AGO1: variants seen among roughly 807,000 people sequenced by gnomAD.
The protein encoded by AGO1 is protein argonaute-1.
A neutral mutation model predicts 109.2 loss-of-function variants in AGO1; 11 were observed. The ratio of observed to expected loss-of-function variants is 0.10; its 90% CI spans 0.06 to 0.17. The LOEUF is 0.17. AGO1 is among the 10% of genes least tolerant of loss of function. The probability of loss-of-function intolerance (pLI) is 1.00; values close to 1 mark genes in which losing one functional copy is unlikely to be tolerated. For missense variants in AGO1, 574 were observed against 1,140.3 expected, an observed-to-expected ratio of 0.50 and a Z score of 7.15; for synonymous variants, 422 against 418.6, an observed-to-expected ratio of 1.01 and a Z score of -0.10.
rs1645268628 is a variant in AGO1 at position 35,893,915 on chromosome 1, C to T, written c.649+105C>T. On this transcript the variant is annotated intron_variant, in intron 5 of 18. Coordinates refer to ENST00000373204, the MANE Select transcript of AGO1 (RefSeq NM_012199.5). The surrounding 1 kb of genome is among the most constrained non-coding windows in gnomAD (Gnocchi z 5.6). ...AACCACACTCCTAGTCTAATTCCTA[C>T]AGCCCTGGCACCCCCTTCCCCCATC... 2 of 1,530,470 alleles carry T rather than the reference C, an allele frequency of 1.3e-6. No individual in the cohort carries two copies. The highest frequency in any genetic ancestry group is 2.7e-5 in the African/African-American group (2 of 72,864). The allele number at this position is 1,530,470 out of a possible 1,614,324, so 94.8% of individuals were successfully genotyped here.
At position 35,924,232 on chromosome 1, in the gene AGO1, T is replaced by G. The variant is rs144443110; in HGVS notation, c.*4625T>G. 112 of 154,312 alleles carry G rather than the reference T, an allele frequency of 7.3e-4. 1 individual carries two copies. The highest frequency in any genetic ancestry group is 1.8e-3 in the African/African-American group (74 of 41,556). The allele number at this position is 154,312 out of a possible 1,614,324, so 9.6% of individuals were successfully genotyped here. ...ACAGTTCCTTCTGAAGCAAGCAACA[T>G]CAGCAGCAGCAGCAGCAGCAGCACA... On this transcript the variant is annotated 3_prime_UTR_variant, in exon 19 of 19. Transcript: ENST00000373204.
upstream of AGO1, among the ~76,000 whole-genome samples, chr1:35,882,443 G>T (rs996870945): frequency 8.5e-5 from 13 of 152,180 alleles, no homozygotes; most frequent in African/African-American, 2.9e-4. The surrounding 1 kb of genome is among the most constrained non-coding windows in gnomAD (Gnocchi z 5.1). Flanking sequence ...CAAGTAGAAG[G>T]CTCAGAAGGG....
At position 35,894,464 on chromosome 1, in the gene AGO1, A is replaced by G. The variant is rs934962721; in HGVS notation, c.872+62A>G. ...TGGAGAAGGGCTGAGATTTAAAACT[A>G]TCTTTCCCTCCCTCCCTCCCCCACT... On this transcript the variant is annotated intron_variant, in intron 7 of 18. Transcript: ENST00000373204. 7.3e-6 allele frequency: 11 copies of G among 1,515,904 alleles called. No homozygotes were observed. The African/African-American group carries it at 1.2e-4, about 17-fold the overall frequency. 93.9% of individuals were successfully genotyped at this position (1,515,904 alleles called of 1,614,324 possible).
rs962457507 is a variant in AGO1 at position 35,927,202 on chromosome 1, C to T, written c.*7595C>T. On this transcript the variant is annotated 3_prime_UTR_variant, in exon 19 of 19. Transcript: ENST00000373204. ...CAGTATCTTATATAATTGCATCTTACAGCATCTTTACATGCGAAATAGTTT... is the reference window on the plus strand; with the variant it reads ...CAGTATCTTATATAATTGCATCTTATAGCATCTTTACATGCGAAATAGTTT... 6.6e-6 allele frequency: 1 copy of T among 152,144 alleles called. No homozygotes were observed. The highest frequency in any genetic ancestry group is 1.5e-5 in the Non-Finnish European group (1 of 68,026). The allele number at this position is 152,144 out of a possible 1,614,324, so 9.4% of individuals were successfully genotyped here.
chr1:35,893,561 G>A lies in AGO1; in HGVS notation c.513-113G>A, dbSNP rs1030873429. ...ATACAACTAGTAAAGCATCAGAGCT[G>A]GCATTAAAGCCCCGGTGTCCTGCCT... On this transcript the variant is annotated intron_variant, in intron 4 of 18. Transcript: ENST00000373204. The surrounding 1 kb of genome is among the most constrained non-coding windows in gnomAD (Gnocchi z 5.6). The A allele has an allele frequency of 1.2e-5, 14 of 1,130,266 alleles. No individual in the cohort carries two copies. In the African/African-American group the frequency reaches 2.2e-4, roughly 18 times the overall value. 70.0% of individuals were successfully genotyped at this position (1,130,266 alleles called of 1,614,324 possible).
chr1:35,903,739 C>T (rs1009132023), intron 11 of AGO1, among the ~76,000 whole-genome samples: 3 of 151,582 alleles, frequency 2.0e-5, no homozygotes, highest in Non-Finnish European at 4.4e-5. Context: ...CTGAGGCGGG[C>T]GGATCACAAG....
Position 35,923,522 on chromosome 1 carries a change from G to T in AGO1, c.*3915G>T, listed in dbSNP as rs1157272761. The T allele has an allele frequency of 6.6e-6, 1 of 152,608 alleles. No homozygotes were observed. The highest frequency in any genetic ancestry group is 1.5e-5 in the Non-Finnish European group (1 of 68,036). 9.5% of individuals were successfully genotyped at this position (152,608 alleles called of 1,614,324 possible). A position where few individuals can be genotyped will look rare whatever the true frequency, so the allele number is the denominator to read the frequency against. On this transcript the variant is annotated 3_prime_UTR_variant, in exon 19 of 19. Transcript: ENST00000373204. Reference sequence around the variant, plus strand: ...GGACGTTATTTTTATTTATATATGGGGCCTAGGCCAATCCAGGATGGTAGC... The same window carrying T: ...GGACGTTATTTTTATTTATATATGGTGCCTAGGCCAATCCAGGATGGTAGC...
Position 35,928,799 on chromosome 1 carries a change from A to G in AGO1, c.*9192A>G, listed in dbSNP as rs1645980093. 6.6e-6 allele frequency: 1 copy of G among 152,172 alleles called. No individual in the cohort carries two copies. The highest frequency in any genetic ancestry group is 2.4e-5 in the African/African-American group (1 of 41,446). The allele number at this position is 152,172 out of a possible 1,614,324, so 9.4% of individuals were successfully genotyped here. A position where few individuals can be genotyped will look rare whatever the true frequency, so the allele number is the denominator to read the frequency against. ...TTTCTGTTCTAGTTTATACTTTTGT[A>G]TCATATTTTAGGAAATTTTGCACTG... On this transcript the variant is annotated 3_prime_UTR_variant, in exon 19 of 19. Transcript: ENST00000373204.
In AGO1 at chr1:35,883,337, G is replaced by A. The variant is rs906900125; in HGVS notation, c.-85G>A. ...GGAGCCGAGCCCGGCCCGGGATCCC[G>A]AGCAGCGAGAGTGTGGGGTACCTAG... On this transcript the variant is annotated 5_prime_UTR_variant, in exon 1 of 19. Coordinates refer to ENST00000373204, the MANE Select transcript of AGO1 (RefSeq NM_012199.5). This position sits in a 1 kb window ranked among gnomAD's most constrained non-coding sequence, Gnocchi z 5.4. 1.9e-6 allele frequency: 3 copies of A among 1,540,468 alleles called. No homozygotes were observed. Among genetic ancestry groups the A allele is most frequent in the African/African-American group, 2.9e-5 (2 of 70,122 alleles).
At chr1:35,898,330 C>G (rs1645356670) in intron 8 of AGO1, among the ~76,000 whole-genome samples, 1 of 151,648 alleles carries the variant, frequency 6.6e-6, no homozygotes, top group Non-Finnish European at 1.5e-5. Context: ...GATCTCGGCT[C>G]ACTGCAAGCT....
intron 8 of AGO1, 137 bp downstream of exon 8, chr1:35,895,406 G>C: frequency 1.0e-6 from 1 of 967,286 alleles, no homozygotes; most frequent in Non-Finnish European, 1.5e-6. Context: ...CTGTGAAATA[G>C]AGGCCTCATT....
intron 10 of AGO1, 31 bp downstream of exon 10, chr1:35,902,101 G>C: frequency 6.3e-7 from 1 of 1,585,196 alleles, no homozygotes; most frequent in Non-Finnish European, 8.6e-7. Flanking sequence ...ACAACATCTC[G>C]GGGCATATGG....
intron 11 of AGO1, 80 bp downstream of exon 11, chr1:35,902,417 A>G: frequency 6.5e-7 from 1 of 1,547,534 alleles, no homozygotes; most frequent in Non-Finnish European, 8.7e-7. Flanking sequence ...ACAGGGGCTG[A>G]TATTGATCAG....
chr1:35,902,115 T>A (rs1184773658), intron 10 of AGO1, 45 bp downstream of exon 10: 6 of 1,580,614 alleles, frequency 3.8e-6, no homozygotes. Flanking sequence ...CATATGGGGG[T>A]GGTTGGGTTG....
intron 7 of AGO1, among the ~76,000 whole-genome samples, chr1:35,894,725 C>T (rs1347420903): frequency 1.3e-5 from 2 of 152,142 alleles, no homozygotes; most frequent in Non-Finnish European, 2.9e-5. Flanking sequence ...AAAAAGAAAG[C>T]GAGGCTCCTG....
At chr1:35,879,043 G>A (rs1026291052), upstream of AGO1, among the ~76,000 whole-genome samples, 2 of 152,162 alleles carry the variant, frequency 1.3e-5, no homozygotes, top group African/African-American at 2.4e-5. Flanking sequence ...AGGCCCTTAG[G>A]TGTGAGTTAG....
chr1:35,880,386 A>G (rs1179110249), upstream of AGO1, among the ~76,000 whole-genome samples: 1 of 152,068 alleles, frequency 6.6e-6, no homozygotes, highest in East Asian at 1.9e-4. Context: ...CCTCATCTCT[A>G]CAATAAGTAA....
rs1335354894 is a variant in AGO1, at chr1:35,928,247, AT to A, written c.*8641del. ...TCATCTTTTCATGTGCTCACTTACT[AT>A]CCCCATATCTTTGTTGTTTGCATCT... On this transcript the variant is annotated 3_prime_UTR_variant, in exon 19 of 19. Transcript: ENST00000373204. 6.6e-6 allele frequency: 1 copy of A among 152,134 alleles called. No individual in the cohort carries two copies. Among genetic ancestry groups the A allele is most frequent in the African/African-American group, 2.4e-5 (1 of 41,390 alleles). 9.4% of individuals were successfully genotyped at this position (152,134 alleles called of 1,614,324 possible). A position where few individuals can be genotyped will look rare whatever the true frequency, so the allele number is the denominator to read the frequency against.
chr1:35,896,830 G>A (rs987661101), intron 8 of AGO1, among the ~76,000 whole-genome samples: 1 of 152,190 alleles, frequency 6.6e-6, no homozygotes, highest in Non-Finnish European at 1.5e-5. Flanking sequence ...GCACATGAAG[G>A]CAACATGTTC....
Sources: gnomAD v4.1 joint callset for allele counts (sites outside exome capture counted in the v4.1 genomes callset) on GRCh38, gnomAD v4.1.1 for gene constraint, Gnocchi (gnomAD v3.1) non-coding constraint, MANE v1.5 for transcripts, NCBI Gene and HGNC (gene_info 2026-07-23, HGNC 2026-07-21) for gene names.